The following TMEM9 variants were observed in gnomAD, a reference collection of about 807,000 sequenced individuals.
TMEM9 encodes transmembrane protein 9.
Under a neutral mutation model 22.8 loss-of-function variants are expected in TMEM9, and 13 were observed. That is an observed-to-expected ratio of 0.57 (90% CI 0.37 to 0.91). The LOEUF (loss-of-function observed/expected upper bound fraction) is 0.91, where lower values mean the gene tolerates loss of function less well. TMEM9 is among the 40% of genes least tolerant of loss of function. TMEM9 has a pLI of 0.01. For synonymous variants in TMEM9, 88 were observed against 93.0 expected (o/e 0.95, Z 0.31); for missense variants, 182 against 238.1 (o/e 0.76, Z 1.55).
At position 201,154,287 on chromosome 1, in the gene TMEM9, C is replaced by T. The variant is rs1036473650; in HGVS notation, c.-364G>A. The T allele has an allele frequency of 2.9e-5, 6 of 208,146 alleles. No individual in the cohort carries two copies. Among genetic ancestry groups the T allele is most frequent in the African/African-American group, 1.4e-4 (6 of 42,602 alleles). 12.9% of individuals were successfully genotyped at this position (208,146 alleles called of 1,614,324 possible). A position where few individuals can be genotyped will look rare whatever the true frequency, so the allele number is the denominator to read the frequency against. ...CGCCTCTGCCCGCCCCGCAGCTCCT[C>T]CCCGCTCGGGCCCGACGGGAACTTT... On this transcript the variant is annotated 5_prime_UTR_variant, in exon 1 of 5. Coordinates refer to ENST00000367330, the MANE Select transcript of TMEM9 (RefSeq NM_001288565.2).
intron 1 of TMEM9, 138 bp downstream of exon 1, chr1:201,153,720 G>A: frequency 1.3e-6 from 2 of 1,549,432 alleles, no homozygotes; most frequent in Non-Finnish European, 1.7e-6. Flanking sequence ...CCTGAAGGAA[G>A]ACCACTAAAA....
intron 2 of TMEM9, among the ~76,000 whole-genome samples, chr1:201,151,134 G>C (rs992324203): frequency 2.0e-5 from 3 of 152,092 alleles, no homozygotes; most frequent in African/African-American, 7.2e-5. Context: ...ATCATCGTGT[G>C]TCCCCAAGTC....
At chr1:201,165,150 T>TTTTATATATATATATATATATA (rs1203599097) in intron 1 of TMEM9, among the ~76,000 whole-genome samples, 2 of 87,076 alleles carry the variant, frequency 2.3e-5, no homozygotes, top group Non-Finnish European at 5.1e-5. Context: ...TAAGAGAAAA[T>TTTTATATATATATATATATATA]TATATATATA....
intron 1 of TMEM9, among the ~76,000 whole-genome samples, chr1:201,169,400 G>C: frequency 6.6e-6 from 1 of 152,214 alleles, no homozygotes; most frequent in Non-Finnish European, 1.5e-5. Context: ...AATAAGGGTA[G>C]TGGTGATCCA....
chr1:201,135,828 G>A lies in TMEM9; in HGVS notation c.400-13C>T, dbSNP rs1256664444. 21 of 1,569,704 alleles carry A rather than the reference G, an allele frequency of 1.3e-5. No individual in the cohort carries two copies. Among genetic ancestry groups the A allele is most frequent in the Admixed American group, 9.8e-5 (5 of 50,936 alleles). ...TAGAGCGAGCATCCTGTAGTGGGAA[G>A]AAAAAAAGAGAAGATCTGGCACGGT... On this transcript the variant is annotated splice_polypyrimidine_tract_variant and intron_variant, in intron 4 of 4. Coordinates refer to ENST00000367330, the MANE Select transcript of TMEM9 (RefSeq NM_001288565.2).
intron 1 of TMEM9, among the ~76,000 whole-genome samples, chr1:201,166,290 C>T (rs558869307): frequency 3.2e-4 from 48 of 151,778 alleles, no homozygotes; most frequent in African/African-American, 1.0e-3. Flanking sequence ...TCACTACCCA[C>T]GATACTGTGT....
chr1:201,165,010 G>C (rs1265818364), intron 1 of TMEM9, among the ~76,000 whole-genome samples: 1 of 151,416 alleles, frequency 6.6e-6, no homozygotes, highest in Non-Finnish European at 1.5e-5. Context: ...TGCTAAGCAG[G>C]GAAAAAACAG....
At chr1:201,153,472 TC>T (rs560613986) in intron 1 of TMEM9, among the ~76,000 whole-genome samples, 125 of 152,222 alleles carry the variant, frequency 8.2e-4, no homozygotes, top group African/African-American at 2.4e-3. Flanking sequence ...TAGACTTAGG[TC>T]CCCTCCCCAA....
chr1:201,162,761 T>C (rs1665976174), intron 1 of TMEM9, among the ~76,000 whole-genome samples: 1 of 152,166 alleles, frequency 6.6e-6, no homozygotes, highest in African/African-American at 2.4e-5. Flanking sequence ...TTAAAAACTT[T>C]TGCTCTGTGA....
In TMEM9 at chr1:201,167,727, T is replaced by C. The variant is rs965829409; in HGVS notation, c.-37+3763A>G. On this transcript the variant is annotated intron_variant, in intron 1 of 5. Transcript: ENST00000367333. ...AATGTCTCCCAAAGTTAGTTTGGCC[T>C]AAGCCTAGGAAAAATTAAGGGCAGC... Among the ~76,000 whole-genome samples the C allele has an allele frequency of 6.6e-5, 10 of 152,318 alleles. No individual in the cohort carries two copies. In the East Asian group the frequency reaches 1.9e-3, roughly 29 times the overall value.
chr1:201,147,543 T>C (rs1665075124), intron 2 of TMEM9, among the ~76,000 whole-genome samples: 1 of 152,192 alleles, frequency 6.6e-6, no homozygotes, highest in African/African-American at 2.4e-5. Flanking sequence ...GAGGCCCTCA[T>C]CCTATCTTCC....
intron 4 of TMEM9, among the ~76,000 whole-genome samples, chr1:201,141,724 T>C (rs1344603938): frequency 6.6e-6 from 1 of 151,962 alleles, no homozygotes; most frequent in African/African-American, 2.4e-5. Flanking sequence ...CTGCCACAGT[T>C]ACCAAATCTA....
intron 1 of TMEM9, among the ~76,000 whole-genome samples, chr1:201,163,875 G>A (rs1429421680): frequency 6.6e-6 from 1 of 152,128 alleles, no homozygotes; most frequent in African/African-American, 2.4e-5. Context: ...TTGCACTCCT[G>A]GGCATTTAGC....
intron 1 of TMEM9, among the ~76,000 whole-genome samples, chr1:201,171,174 G>C (rs1184229910): frequency 6.6e-6 from 1 of 152,194 alleles, no homozygotes; most frequent in Admixed American, 6.5e-5. Context: ...GAAGGATTGC[G>C]GGGGGCGGTG....
At chr1:201,139,775 C>T (rs556266605) in intron 4 of TMEM9, among the ~76,000 whole-genome samples, 4 of 152,356 alleles carry the variant, frequency 2.6e-5, no homozygotes, top group South Asian at 4.1e-4. Flanking sequence ...TCCATACACA[C>T]GATCGCAACA....
chr1:201,155,739 C>G (rs1665772632), upstream of TMEM9, among the ~76,000 whole-genome samples: 1 of 152,126 alleles, frequency 6.6e-6, no homozygotes, highest in African/African-American at 2.4e-5. Context: ...AGGACACCGC[C>G]TTTGGATCTT....
intron 1 of TMEM9, among the ~76,000 whole-genome samples, chr1:201,170,415 T>A (rs1666181066): frequency 6.6e-6 from 1 of 152,192 alleles, no homozygotes; most frequent in Non-Finnish European, 1.5e-5. Context: ...GTGAGCAGCA[T>A]TATAATGGAA....
chr1:201,150,041 C>A (rs1192818106), intron 2 of TMEM9, among the ~76,000 whole-genome samples: 1 of 152,242 alleles, frequency 6.6e-6, no homozygotes, highest in Non-Finnish European at 1.5e-5. Flanking sequence ...CCTGAGAGGT[C>A]TAGACAGGAC....
Position 201,135,173 on chromosome 1 carries a change from G to T in TMEM9, c.*490C>A. The stretch of plus-strand genomic sequence containing the variant: ...GAGCTGTCCTCAGGGCTGGAGCTGG[G>T]GCTGGGGCTGAGGCGCTGGGGCTGG... On this transcript the variant is annotated 3_prime_UTR_variant, in exon 5 of 5. Transcript: ENST00000367330. The T allele has an allele frequency of 6.5e-6, 1 of 153,488 alleles. No individual in the cohort carries two copies. The highest frequency in any genetic ancestry group is 1.5e-5 in the Non-Finnish European group (1 of 68,558). The allele number at this position is 153,488 out of a possible 1,614,324, so 9.5% of individuals were successfully genotyped here.
Sources: gnomAD v4.1 joint callset for allele counts (sites outside exome capture counted in the v4.1 genomes callset) on GRCh38, gnomAD v4.1.1 for gene constraint, MANE v1.5 for transcripts, NCBI Gene and HGNC (gene_info 2026-07-23, HGNC 2026-07-21) for gene names.